SV2B: variants seen among roughly 807,000 people sequenced by gnomAD.
SV2B encodes synaptic vesicle glycoprotein 2B.
In SV2B, 41 loss-of-function variants were observed where a neutral mutation model predicts 73.9. That is an observed-to-expected ratio of 0.56 (90% CI 0.43 to 0.72). The LOEUF (loss-of-function observed/expected upper bound fraction) is 0.72, where lower values mean the gene tolerates loss of function less well. Ranked by LOEUF, SV2B falls within the 30% of genes least tolerant of loss-of-function variation. The pLI, the probability that SV2B is intolerant of heterozygous loss-of-function variation, is 0.00. For synonymous variants in SV2B, 314 were observed against 314.2 expected (o/e 1.00, Z 0.01); for missense variants, 764 against 857.8 (o/e 0.89, Z 1.37).
chr15:91,125,898 A>G (rs898597892), intron 1 of SV2B, among the ~76,000 whole-genome samples: 8 of 152,020 alleles, frequency 5.3e-5, no homozygotes, highest in African/African-American at 1.7e-4. Flanking sequence ...CTTGAACCTA[A>G]CTGAACTGAA....
At chr15:91,246,932 T>C (rs537163587) in intron 2 of SV2B, among the ~76,000 whole-genome samples, 2 of 152,368 alleles carry the variant, frequency 1.3e-5, no homozygotes, top group African/African-American at 2.4e-5. Flanking sequence ...AAGGTAATTT[T>C]TGATAACTCC....
intron 4 of SV2B, among the ~76,000 whole-genome samples, chr15:91,255,384 A>G (rs1047652111): frequency 1.3e-5 from 2 of 152,188 alleles, no homozygotes; most frequent in African/African-American, 4.8e-5. Context: ...AAAACTAAAC[A>G]TCGTATGTTC....
intron 1 of SV2B, among the ~76,000 whole-genome samples, chr15:91,166,085 T>C (rs2043901936): frequency 6.6e-6 from 1 of 152,214 alleles, no homozygotes; most frequent in South Asian, 2.1e-4. Context: ...GTCATTTGAA[T>C]TGTTGTTCCC....
Position 91,298,194 on chromosome 15 carries a change from T to A in SV2B, c.*5642T>A, listed in dbSNP as rs1376246365. On this transcript the variant is annotated 3_prime_UTR_variant, in exon 13 of 13. Coordinates refer to ENST00000394232, the MANE Select transcript of SV2B (RefSeq NM_001323032.3). The surrounding 1 kb of genome is among the most constrained non-coding windows in gnomAD (Gnocchi z 5.4). ...AGTGGAGCAAATTTCTCTACATAGA[T>A]CTCATTCGAAAACAAATTTACAGAA... 6.6e-6 allele frequency: 1 copy of A among 152,204 alleles called. No individual in the cohort carries two copies. Among genetic ancestry groups the A allele is most frequent in the Admixed American group, 6.5e-5 (1 of 15,276 alleles). The allele number at this position is 152,204 out of a possible 1,614,324, so 9.4% of individuals were successfully genotyped here.
At chr15:91,152,071 C>CTT (rs59094531) in intron 1 of SV2B, among the ~76,000 whole-genome samples, 19,265 of 137,124 alleles carry the variant, frequency 0.14, 1,817 homozygotes, top group African/African-American at 0.25. Context: ...AATTTTTACT[C>CTT]TTTTTTTTTT....
intron 1 of SV2B, among the ~76,000 whole-genome samples, chr15:91,201,899 C>T (rs1457308298): frequency 1.3e-5 from 2 of 152,142 alleles, no homozygotes; most frequent in Non-Finnish European, 2.9e-5. Flanking sequence ...CCTAGCCTCC[C>T]ACTCCCCAAC....
At position 91,130,866 on chromosome 15, in the gene SV2B, T is replaced by A. The variant is rs2042619645; in HGVS notation, c.-392+30503T>A. 6.6e-6 allele frequency among the ~76,000 whole-genome samples: 1 copy of A among 152,062 alleles called. No individual in the cohort carries two copies. Among genetic ancestry groups the A allele is most frequent in the Non-Finnish European group, 1.5e-5 (1 of 68,014 alleles). On this transcript the variant is annotated intron_variant, in intron 1 of 12. Transcript: ENST00000394232. This position sits in a 1 kb window ranked among gnomAD's most constrained non-coding sequence, Gnocchi z 5.6. ...TTTAGGATGTGTGATATTTTAGTAT[T>A]TTTACAGGGTAAAAAATGAGAGTGT...
chr15:91,154,146 T>A (rs1289290585), intron 1 of SV2B, among the ~76,000 whole-genome samples: 1 of 147,920 alleles, frequency 6.8e-6, no homozygotes, highest in Non-Finnish European at 1.5e-5. Flanking sequence ...TGATATTAAT[T>A]TATATTATAA....
intron 1 of SV2B, among the ~76,000 whole-genome samples, chr15:91,182,117 A>C (rs2044602796): frequency 1.3e-5 from 2 of 152,190 alleles, no homozygotes; most frequent in Admixed American, 1.3e-4. Context: ...AAAAAAACAT[A>C]CTAGCACTTC....
rs1301748255 is a variant in SV2B, at chr15:91,250,752, G to T, written c.452-1067G>T. 2.0e-5 allele frequency among the ~76,000 whole-genome samples: 3 copies of T among 152,062 alleles called. No homozygotes were observed. The East Asian group carries it at 5.8e-4, about 29-fold the overall frequency. On this transcript the variant is annotated intron_variant, in intron 2 of 12. Coordinates refer to ENST00000394232, the MANE Select transcript of SV2B (RefSeq NM_001323032.3). ...ATACTTAGGAATGAATTTAATCAAA[G>T]AAATGAAAGGTCTTTATACTGAAAA...
Position 91,252,376 on chromosome 15 carries a change from G to C in SV2B, c.640G>C (p.Gly214Arg), listed in dbSNP as rs1305123999. Residue 214 changes from glycine to arginine, a missense_variant, in exon 4 of 13, where the codon GGT becomes CGT. Physicochemically the swap from Gly to Arg is moderately radical, Grantham distance 125 (BLOSUM62 -2). Coordinates refer to ENST00000394232, the MANE Select transcript of SV2B (RefSeq NM_001323032.3). This position sits in a 1 kb window ranked among gnomAD's most constrained non-coding sequence, Gnocchi z 4.6. ...GGCATTTTTCCTTTGCAGTATTGGGGGTGCTCTACCGATTGTTTTTGCCTA... is the reference window on the plus strand; with the variant it reads ...GGCATTTTTCCTTTGCAGTATTGGGCGTGCTCTACCGATTGTTTTTGCCTA... ...CRLISGIGIGGALPIVFAYFS... is the reference protein window; with the variant it reads ...CRLISGIGIGRALPIVFAYFS... 6.2e-7 allele frequency: 1 copy of C among 1,610,392 alleles called. No homozygotes were observed.
rs189930065 is a variant in SV2B, at chr15:91,220,479, A to C, written c.-391-5394A>C. Reference sequence around the variant, plus strand: ...ATTTTTCACTGAAAGGAGAATATTAAAAGCCTAATGCTCTACAGAACAGAT... The same window carrying C: ...ATTTTTCACTGAAAGGAGAATATTACAAGCCTAATGCTCTACAGAACAGAT... On this transcript the variant is annotated intron_variant, in intron 1 of 12. Transcript: ENST00000394232. This position sits in a 1 kb window ranked among gnomAD's most constrained non-coding sequence, Gnocchi z 4.1. Among the ~76,000 whole-genome samples the C allele has an allele frequency of 1.3e-5, 2 of 152,384 alleles. No homozygotes were observed. The highest frequency in any genetic ancestry group is 2.1e-4 in the South Asian group (1 of 4,832).
intron 2 of SV2B, among the ~76,000 whole-genome samples, chr15:91,243,049 A>G (rs142184318): frequency 2.2e-3 from 335 of 152,284 alleles, no homozygotes; most frequent in African/African-American, 7.6e-3. Context: ...ACCCATTTGT[A>G]TAACCTGCCT....
chr15:91,101,317 C>T lies in SV2B; in HGVS notation c.-392+954C>T, dbSNP rs181912036. On this transcript the variant is annotated intron_variant, in intron 1 of 12. Coordinates refer to ENST00000394232, the MANE Select transcript of SV2B (RefSeq NM_001323032.3). The stretch of plus-strand genomic sequence containing the variant: ...TGGTTCTGGTCTATGCTGGTCTCCT[C>T]TGTGTTTCTGCTTCCTGCCCTTTCC... Among the ~76,000 whole-genome samples the T allele has an allele frequency of 1.7e-4, 26 of 152,178 alleles. 1 individual carries two copies. In the East Asian group the frequency reaches 4.6e-3, roughly 27 times the overall value.
At chr15:91,175,410 A>G (rs2141292579) in intron 1 of SV2B, among the ~76,000 whole-genome samples, 1 of 152,118 alleles carries the variant, frequency 6.6e-6, no homozygotes, top group South Asian at 2.1e-4. Flanking sequence ...ATGTGCCATC[A>G]TGCCCAGATA....
At chr15:91,190,718 A>T (rs1214652261) in intron 1 of SV2B, among the ~76,000 whole-genome samples, 2 of 152,224 alleles carry the variant, frequency 1.3e-5, no homozygotes, top group Admixed American at 6.5e-5. Flanking sequence ...GGATTTTGCA[A>T]ATGTTCCATA....
intron 1 of SV2B, among the ~76,000 whole-genome samples, chr15:91,152,227 A>G (rs189989361): frequency 5.9e-5 from 9 of 152,282 alleles, no homozygotes; most frequent in Admixed American, 2.6e-4. Context: ...GAATGAGTCA[A>G]TGTTCTTTGT....
intron 4 of SV2B, among the ~76,000 whole-genome samples, chr15:91,254,291 C>CA (rs1345385623): frequency 9.6e-5 from 14 of 145,896 alleles, no homozygotes; most frequent in African/African-American, 3.3e-4. Flanking sequence ...GGCTGGAGTG[C>CA]AGTAGCATGA....
intron 1 of SV2B, among the ~76,000 whole-genome samples, chr15:91,133,993 T>C: frequency 9.1e-6 from 1 of 109,350 alleles, no homozygotes; most frequent in African/African-American, 4.0e-5. Flanking sequence ...TCTTCACCAC[T>C]TTCTTTCTTC....
Sources: allele counts gnomAD v4.1 joint callset (sites outside exome capture counted in the v4.1 genomes callset), GRCh38; gene constraint gnomAD v4.1.1; non-coding constraint Gnocchi (gnomAD v3.1); transcripts MANE v1.5; gene names NCBI Gene and HGNC (gene_info 2026-07-23, HGNC 2026-07-21).